The following MYO1E variants were observed in gnomAD, a reference collection of about 807,000 sequenced individuals.
The protein encoded by MYO1E is myosin IE.
A neutral mutation model predicts 151.1 loss-of-function variants in MYO1E; 68 were observed. The ratio of observed to expected loss-of-function variants is 0.45; its 90% CI spans 0.37 to 0.55. The LOEUF is 0.55. MYO1E is among the 20% of genes least tolerant of loss of function. MYO1E has a pLI of 0.00. For missense variants in MYO1E, 1,363 were observed against 1,389.3 expected, an observed-to-expected ratio of 0.98 and a Z score of 0.30; for synonymous variants, 601 against 501.7, an observed-to-expected ratio of 1.20 and a Z score of -2.64.
chr15:59,217,466 A>G (rs1299789564), intron 10 of MYO1E, among the ~76,000 whole-genome samples: 3 of 146,456 alleles, frequency 2.0e-5, no homozygotes, highest in African/African-American at 7.5e-5. Context: ...AAGTAAGGTA[A>G]TGGGTGAAAG....
chr15:59,225,037 T>C lies in MYO1E; in HGVS notation c.643-214A>G, dbSNP rs4775135. 0.39 allele frequency among the ~76,000 whole-genome samples: 60,002 copies of C among 152,088 alleles called. 12,340 individuals are homozygous for C. The highest frequency in any genetic ancestry group is 0.62 in the East Asian group (3,231 of 5,182). ...TGGAAAGACCTGCAAGAGCTGAGGA[T>C]TTTCCATTGTCCACTGAAAGGAACT... On this transcript the variant is annotated intron_variant, in intron 7 of 27. Coordinates refer to ENST00000288235, the MANE Select transcript of MYO1E (RefSeq NM_004998.4).
intron 19 of MYO1E, among the ~76,000 whole-genome samples, chr15:59,177,088 C>T (rs75272901): frequency 6.6e-6 from 1 of 152,160 alleles, no homozygotes; most frequent in Non-Finnish European, 1.5e-5. Context: ...ACAAGGAGTT[C>T]TGCATTGTAC....
chr15:59,359,327 T>TATATA (rs202215653), intron 1 of MYO1E, among the ~76,000 whole-genome samples: 8 of 118,222 alleles, frequency 6.8e-5, no homozygotes, highest in South Asian at 2.5e-4. Context: ...TATATATATA[T>TATATA]TTTTTTTTTT....
intron 1 of MYO1E, among the ~76,000 whole-genome samples, chr15:59,363,684 T>A (rs2080897959): frequency 6.6e-5 from 10 of 152,170 alleles, no homozygotes; most frequent in Admixed American, 6.5e-4. Context: ...AAACCAACAC[T>A]GGTGCTAGAA....
chr15:59,206,968 G>A, intron 14 of MYO1E: 1 of 1,613,940 alleles, frequency 6.2e-7, no homozygotes, highest in East Asian at 2.2e-5. Context: ...TGTTGTGCGG[G>A]CCAGCCAGAG....
intron 1 of MYO1E, among the ~76,000 whole-genome samples, chr15:59,327,436 G>A (rs879911172): frequency 2.6e-5 from 4 of 151,938 alleles, no homozygotes; most frequent in Admixed American, 2.6e-4. Flanking sequence ...AGCCTCCTGA[G>A]TAGCTGGGAC....
chr15:59,372,180 C>A (rs1241933884), intron 1 of MYO1E, among the ~76,000 whole-genome samples: 1 of 151,814 alleles, frequency 6.6e-6, no homozygotes, highest in Non-Finnish European at 1.5e-5. Context: ...GAGGGGACCC[C>A]CTCCCGCGCC....
Position 59,161,160 on chromosome 15 carries a change from G to A in MYO1E, c.2698C>T (p.His900Tyr), listed in dbSNP as rs775958627. 1.9e-5 allele frequency: 30 copies of A among 1,614,016 alleles called. No individual in the cohort carries two copies. The highest frequency in any genetic ancestry group is 2.1e-5 in the Non-Finnish European group (25 of 1,180,030). ...ACAGCCAGGTCCCCAAACCCTTGGT[G>A]GAACTGCACTTGCCGGGAGCCCCCT... ...SAGGSRQVQF[H>Y]QGFGDLAVLK... Residue 900 changes from histidine (H) to tyrosine (Y), a missense_variant, in exon 24 of 28, where the codon CAC (histidine) becomes TAC (tyrosine). Transcript: ENST00000288235.
intron 14 of MYO1E, among the ~76,000 whole-genome samples, 168 bp from the exon 15 acceptor site, chr15:59,205,653 T>C (rs1208829051): frequency 2.0e-5 from 3 of 152,250 alleles, no homozygotes; most frequent in Admixed American, 1.3e-4. Flanking sequence ...GGGATTTCAT[T>C]GTGCACTGTC....
chr15:59,136,706 C>T lies in MYO1E; in HGVS notation c.*674G>A. 2.2e-6 allele frequency: 1 copy of T among 456,454 alleles called. No individual in the cohort carries two copies. The highest frequency in any genetic ancestry group is 4.4e-6 in the Non-Finnish European group (1 of 226,814). The allele number at this position is 456,454 out of a possible 1,614,324, so 28.3% of individuals were successfully genotyped here. A position where few individuals can be genotyped will look rare whatever the true frequency, so the allele number is the denominator to read the frequency against. On this transcript the variant is annotated 3_prime_UTR_variant, in exon 28 of 28. Transcript: ENST00000288235. ...GCATTTAAACACAAACCAATATGGG[C>T]CAGCCACATTCTAATTGAAGACCCA...
At chr15:59,333,399 C>G (rs1157098550) in intron 1 of MYO1E, among the ~76,000 whole-genome samples, 2 of 152,104 alleles carry the variant, frequency 1.3e-5, no homozygotes, top group Non-Finnish European at 2.9e-5. Flanking sequence ...TCCACCACCG[C>G]GCCTGGGTAA....
Position 59,161,186 on chromosome 15 carries a change from G to A in MYO1E, c.2672C>T (p.Ala891Val), listed in dbSNP as rs569391805. ...LKKENWGPWS[A>V]GGSRQVQFHQ... ...GAACTGCACTTGCCGGGAGCCCCCT[G>A]CACTCCAGGGGCCCCAGTTTTCCTT... is the stretch of plus-strand genomic sequence containing the variant. Residue 891 changes from alanine (A) to valine (V), a missense_variant, in exon 24 of 28, where the codon GCA becomes GTA. Ala to Val is a moderately conservative substitution (Grantham distance 64). Transcript: ENST00000288235. 77 of 1,614,042 alleles carry A rather than the reference G, an allele frequency of 4.8e-5. No individual in the cohort carries two copies. In the African/African-American group the frequency reaches 9.3e-4, roughly 20 times the overall value.
At chr15:59,196,362 T>G (rs2079766210) in intron 16 of MYO1E, among the ~76,000 whole-genome samples, 1 of 152,162 alleles carries the variant, frequency 6.6e-6, no homozygotes, top group South Asian at 2.1e-4. Flanking sequence ...ATCTCAAACT[T>G]TGTTTGAAGA....
chr15:59,160,465 C>T (rs772315113), intron 24 of MYO1E, among the ~76,000 whole-genome samples: 1 of 150,250 alleles, frequency 6.7e-6, no homozygotes, highest in Non-Finnish European at 1.5e-5. Context: ...CAGTGGCACC[C>T]CAGTAAAGAT....
In MYO1E at chr15:59,222,544, G is replaced by A. The variant is rs541426366; in HGVS notation, c.910+515C>T. Among the ~76,000 whole-genome samples, 7 of 152,266 alleles carry A rather than the reference G, an allele frequency of 4.6e-5. No homozygotes were observed. In the South Asian group the frequency reaches 1.2e-3, roughly 27 times the overall value. On this transcript the variant is annotated intron_variant, in intron 9 of 27. Transcript: ENST00000288235. ...CAGAAATGTCAACACAACAGTCAAT[G>A]TCCATCTTTTTCTGTGTTCAGAAAT...
chr15:59,188,037 T>C (rs2079709392), intron 18 of MYO1E, 81 bp downstream of exon 18: 5 of 1,064,752 alleles, frequency 4.7e-6, no homozygotes, highest in Non-Finnish European at 7.3e-6. Flanking sequence ...ACTCGTACGC[T>C]TGAAGTGGGT....
chr15:59,210,105 C>T (rs1005199945), intron 13 of MYO1E, among the ~76,000 whole-genome samples: 2 of 152,048 alleles, frequency 1.3e-5, no homozygotes, highest in African/African-American at 2.4e-5. Context: ...TGTGCTCAAG[C>T]GATCCACCTG....
At chr15:59,357,300 T>C (rs76484685) in intron 1 of MYO1E, among the ~76,000 whole-genome samples, 4,795 of 152,028 alleles carry the variant, frequency 0.032, 152 homozygotes, top group African/African-American at 0.079. Context: ...GAGGCTGGGA[T>C]ACAAAGCTGA....
intron 4 of MYO1E, 128 bp from the exon 5 acceptor site, chr15:59,236,800 T>TTCTGCCTG: frequency 1.2e-6 from 1 of 868,828 alleles, no homozygotes; most frequent in Non-Finnish European, 1.9e-6. Flanking sequence ...AAAGAATTTT[T>TTCTGCCTG]TTTTTTAAGT....
Sources: allele counts gnomAD v4.1 joint callset (sites outside exome capture counted in the v4.1 genomes callset), GRCh38; gene constraint gnomAD v4.1.1; transcripts MANE v1.5; gene names NCBI Gene and HGNC (gene_info 2026-07-23, HGNC 2026-07-21).